The following HMGA2 variants were observed in gnomAD, a reference collection of about 807,000 sequenced individuals.
HMGA2 encodes high mobility group AT-hook 2.
HMGA2 carries 8 observed loss-of-function variants against 19.1 expected under a neutral mutation model. That is an observed-to-expected ratio of 0.42 (90% CI 0.25 to 0.76). The LOEUF is 0.76. Among genes scored for constraint, HMGA2 ranks in the 30% least tolerant of loss-of-function variants. The probability of loss-of-function intolerance (pLI) is 0.28; values close to 1 mark genes in which losing one functional copy is unlikely to be tolerated. For missense variants in HMGA2, 109 were observed against 136.3 expected (o/e 0.80, Z 1.00); for synonymous variants, 60 against 48.8 (o/e 1.23, Z -0.96).
At chr12:65,835,575 G>A (rs1161006758) in intron 2 of HMGA2, among the ~76,000 whole-genome samples, 1 of 152,096 alleles carries the variant, frequency 6.6e-6, no homozygotes, top group Non-Finnish European at 1.5e-5. Context: ...AGTTAATGGT[G>A]CAAATTTTAT....
intron 3 of HMGA2, among the ~76,000 whole-genome samples, chr12:65,944,177 C>T (rs1876182259): frequency 6.6e-6 from 1 of 152,172 alleles, no homozygotes; most frequent in African/African-American, 2.4e-5. Flanking sequence ...TGATCACTTA[C>T]TATTGTAGAA....
chr12:65,871,269 A>G (rs971974708), intron 3 of HMGA2, among the ~76,000 whole-genome samples: 4 of 152,132 alleles, frequency 2.6e-5, no homozygotes, highest in African/African-American at 7.2e-5. Context: ...AGCCGCACCT[A>G]TTGGTTCACG....
At chr12:65,916,255 CAAG>C (rs1418873901) in intron 3 of HMGA2, among the ~76,000 whole-genome samples, 1 of 152,056 alleles carries the variant, frequency 6.6e-6, no homozygotes, top group Non-Finnish European at 1.5e-5. Context: ...ACATTCATCT[CAAG>C]GAGGTAGAAG....
chr12:65,936,357 G>A (rs955588466), intron 3 of HMGA2, among the ~76,000 whole-genome samples: 2 of 152,012 alleles, frequency 1.3e-5, no homozygotes, highest in East Asian at 1.9e-4. Context: ...TGAACTCTGC[G>A]TCACACAATA....
In HMGA2 at chr12:65,825,262, G is replaced by C; in HGVS notation, c.-9G>C. On this transcript the variant is annotated 5_prime_UTR_variant, in exon 1 of 5. Coordinates refer to ENST00000403681, the MANE Select transcript of HMGA2 (RefSeq NM_003483.6). The surrounding 1 kb of genome is among the most constrained non-coding windows in gnomAD (Gnocchi z 4.4). ...GGCTGCAGCGGCGGTAGCGGCGGCGGGAGGCAGGATGAGCGCACGCGGTGA... is the reference window on the plus strand; with the variant it reads ...GGCTGCAGCGGCGGTAGCGGCGGCGCGAGGCAGGATGAGCGCACGCGGTGA... 6.6e-7 allele frequency: 1 copy of C among 1,526,500 alleles called. No individual in the cohort carries two copies. Among genetic ancestry groups the C allele is most frequent in the Non-Finnish European group, 8.8e-7 (1 of 1,141,642 alleles). 94.6% of individuals were successfully genotyped at this position (1,526,500 alleles called of 1,614,324 possible). A position where few individuals can be genotyped will look rare whatever the true frequency, so the allele number is the denominator to read the frequency against.
At chr12:65,957,675 T>C (rs1876641990) in intron 4 of HMGA2, 1 of 152,124 alleles carries the variant, frequency 6.6e-6, no homozygotes, top group Non-Finnish European at 1.5e-5. Flanking sequence ...GATTTCCCTA[T>C]TTGAAAAATG....
chr12:65,845,044 A>G lies in HMGA2; in HGVS notation c.249+6475A>G, dbSNP rs2612058. On this transcript the variant is annotated intron_variant, in intron 3 of 4. Transcript: ENST00000403681. ...TTTCCTTACACAGTGTACTATCCCT[A>G]CTCCCATACACATATTTACCTACAT... is the stretch of plus-strand genomic sequence containing the variant. Among the ~76,000 whole-genome samples, 1,144 of 152,144 alleles carry G rather than the reference A, an allele frequency of 7.5e-3. 17 individuals carry two copies. The highest frequency in any genetic ancestry group is 0.026 in the African/African-American group (1,083 of 41,494).
chr12:65,879,285 A>G (rs1592414652), intron 3 of HMGA2, among the ~76,000 whole-genome samples: 1 of 141,268 alleles, frequency 7.1e-6, no homozygotes, highest in African/African-American at 2.8e-5. Context: ...GTGCCACCAT[A>G]CCAGCTATTT....
At chr12:65,921,599 CCTGA>C (rs141773963) in intron 3 of HMGA2, among the ~76,000 whole-genome samples, 24,064 of 152,064 alleles carry the variant, frequency 0.16, 2,029 homozygotes, top group African/African-American at 0.2. Flanking sequence ...AGATTTGCAG[CCTGA>C]CTATGTGATA....
At chr12:65,958,210 G>A (rs951936689) in intron 4 of HMGA2, 4 of 152,188 alleles carry the variant, frequency 2.6e-5, no homozygotes, top group African/African-American at 9.7e-5. Flanking sequence ...TTAAGCTGAT[G>A]CTAACGCACA....
chr12:65,920,172 G>C (rs1875253520), intron 3 of HMGA2, among the ~76,000 whole-genome samples: 1 of 152,152 alleles, frequency 6.6e-6, no homozygotes, highest in African/African-American at 2.4e-5. Flanking sequence ...CGTGAAGTGA[G>C]AGATGAGTCC....
intron 3 of HMGA2, among the ~76,000 whole-genome samples, chr12:65,848,860 CT>C (rs1387816513): frequency 2.0e-5 from 3 of 150,978 alleles, no homozygotes; most frequent in Admixed American, 6.6e-5. Context: ...GAGACTCCGT[CT>C]CAAAAAAAAA....
intron 3 of HMGA2, among the ~76,000 whole-genome samples, chr12:65,929,403 GA>G (rs1875628325): frequency 1.3e-5 from 2 of 150,278 alleles, no homozygotes; most frequent in Non-Finnish European, 3.0e-5. Context: ...TTAAAAAATT[GA>G]AAAAAAAGTA....
chr12:65,831,756 A>C (rs147861561), intron 2 of HMGA2, among the ~76,000 whole-genome samples: 2 of 152,016 alleles, frequency 1.3e-5, no homozygotes, highest in African/African-American at 4.8e-5. Context: ...TACCCACACC[A>C]ATCACAGATA....
chr12:65,904,879 T>C lies in HMGA2; in HGVS notation c.250-46504T>C, dbSNP rs545929082. On this transcript the variant is annotated intron_variant, in intron 3 of 4. Transcript: ENST00000403681. ...CAACATGGTGAAACCCCATCTCTAC[T>C]AAAAATACAAAATTTAGCTGGGCAT... is the stretch of plus-strand genomic sequence containing the variant. 3.2e-3 allele frequency among the ~76,000 whole-genome samples: 488 copies of C among 152,072 alleles called. 2 individuals carry two copies. Among genetic ancestry groups the C allele is most frequent in the Middle Eastern group, 0.01 (3 of 294 alleles).
intron 4 of HMGA2, chr12:65,957,164 A>T (rs557359743): frequency 6.6e-6 from 1 of 152,326 alleles, no homozygotes; most frequent in South Asian, 2.1e-4. Context: ...CCTGGCCGCA[A>T]ATACAACACC....
chr12:65,854,875 C>T (rs1249063556), intron 3 of HMGA2, among the ~76,000 whole-genome samples: 4 of 152,178 alleles, frequency 2.6e-5, no homozygotes, highest in Non-Finnish European at 5.9e-5. Context: ...CCCATGGTTC[C>T]TGTCTTTGGC....
intron 3 of HMGA2, among the ~76,000 whole-genome samples, chr12:65,875,924 C>T (rs1872996093): frequency 6.6e-6 from 1 of 151,964 alleles, no homozygotes; most frequent in Non-Finnish European, 1.5e-5. Context: ...CTCATCTCTG[C>T]TTCTTCAGCT....
intron 3 of HMGA2, among the ~76,000 whole-genome samples, chr12:65,872,128 C>T (rs1872740386): frequency 6.6e-6 from 1 of 152,034 alleles, no homozygotes; most frequent in Admixed American, 6.5e-5. Context: ...GCTTCTGCCC[C>T]CTTCATCCTT....
Sources: allele counts gnomAD v4.1 joint callset (sites outside exome capture counted in the v4.1 genomes callset), GRCh38; gene constraint gnomAD v4.1.1; non-coding constraint Gnocchi (gnomAD v3.1); transcripts MANE v1.5; gene names NCBI Gene and HGNC (gene_info 2026-07-23, HGNC 2026-07-21).